Variants in NEK5 observed in about 807,000 individuals in gnomAD.
NEK5 encodes the protein NIMA related kinase 5.
A neutral mutation model predicts 109.2 loss-of-function variants in NEK5; 88 were observed. The observed-to-expected ratio is 0.81, with a 90% CI of 0.68 to 0.96. NEK5 has a LOEUF of 0.96. Ranked by LOEUF, NEK5 falls within the 40% of genes least tolerant of loss-of-function variation. NEK5 has a pLI of 0.00. For missense variants in NEK5, 834 were observed against 920.7 expected (o/e 0.91, Z 1.22); for synonymous variants, 283 against 299.9 (o/e 0.94, Z 0.58).
chr13:52,073,428 G>A (rs1371259344), intron 19 of NEK5, among the ~76,000 whole-genome samples: 2 of 151,212 alleles, frequency 1.3e-5, no homozygotes, highest in Admixed American at 1.3e-4. Flanking sequence ...TGATTCTCCT[G>A]CCTCAGCCTC....
chr13:52,047,677 C>A (rs954001326), intron 23 of NEK5, among the ~76,000 whole-genome samples: 6 of 151,638 alleles, frequency 4.0e-5, no homozygotes, highest in African/African-American at 1.5e-4. Context: ...CCCGTCTCTA[C>A]AAAAAACAAA....
At position 52,046,340 on chromosome 13, in the gene NEK5, G is replaced by A. The variant is rs182360500; in HGVS notation, c.2228+3764C>T. Among the ~76,000 whole-genome samples, 167 of 151,018 alleles carry A rather than the reference G, an allele frequency of 1.1e-3. 1 individual carries two copies. Among genetic ancestry groups the A allele is most frequent in the African/African-American group, 3.9e-3 (162 of 41,236 alleles). ...AAAAAAAAAAAAAATAGCTGGGCAT[G>A]GTGGTGCATGCCTATACTCCCAGCC... On this transcript the variant is annotated intron_variant, in intron 23 of 23. Coordinates refer to ENST00000684899, the MANE Select transcript of NEK5 (RefSeq NM_001365552.1).
At chr13:52,096,628 T>A (rs1955422997) in intron 12 of NEK5, among the ~76,000 whole-genome samples, 1 of 152,220 alleles carries the variant, frequency 6.6e-6, no homozygotes, top group Admixed American at 6.5e-5. Context: ...GTGGCCTGGC[T>A]GCTCTAGCAC....
Position 52,087,223 on chromosome 13 carries a change from T to C in NEK5, c.1392+115A>G, listed in dbSNP as rs41292802. ...TCTGTATCCCCTATAACACTCAGCA[T>C]GGTGTTGACATATTCAGGGGCACTG... On this transcript the variant is annotated intron_variant, in intron 15 of 23. Coordinates refer to ENST00000684899, the MANE Select transcript of NEK5 (RefSeq NM_001365552.1). 1.9e-3 allele frequency: 1,124 copies of C among 592,290 alleles called. 4 individuals are homozygous for C. Among genetic ancestry groups the C allele is most frequent in the Non-Finnish European group, 2.3e-3 (746 of 326,422 alleles). The allele number at this position is 592,290 out of a possible 1,614,324, so 36.7% of individuals were successfully genotyped here.
rs1189940959 is a variant in NEK5, at chr13:52,059,122, C to A, written c.2110+2697G>T. On this transcript the variant is annotated intron_variant, in intron 22 of 23. Transcript: ENST00000684899. ...AAATTTACAAGAAAAAAACAAACAA[C>A]CCCATCAAAAAGTGGGCAAAGGACA... 7.6e-4 allele frequency among the ~76,000 whole-genome samples: 72 copies of A among 95,132 alleles called. 2 individuals carry two copies. The highest frequency in any genetic ancestry group is 1.2e-3 in the Non-Finnish European group (58 of 46,984). 62.4% of individuals were successfully genotyped at this position (95,132 alleles called of 152,430 possible).
At chr13:52,105,474 C>T (rs1955634560) in intron 8 of NEK5, among the ~76,000 whole-genome samples, 1 of 152,000 alleles carries the variant, frequency 6.6e-6, no homozygotes, top group Non-Finnish European at 1.5e-5. Flanking sequence ...CCTTCTTGGC[C>T]TCCCAAAGTG....
chr13:52,057,283 A>G (rs1195175405), intron 22 of NEK5, among the ~76,000 whole-genome samples: 3 of 148,100 alleles, frequency 2.0e-5, no homozygotes, highest in Non-Finnish European at 4.5e-5. Flanking sequence ...CAATAACAGG[A>G]TCTGAAATTG....
At position 52,119,320 on chromosome 13, in the gene NEK5, T is replaced by A. The variant is rs1955923647; in HGVS notation, c.213A>T (p.Gln71His). 1 of 1,545,328 alleles carries A rather than the reference T, an allele frequency of 6.5e-7. No individual in the cohort carries two copies. The highest frequency in any genetic ancestry group is 1.4e-5 in the African/African-American group (1 of 73,368). Residue 71 changes from glutamine to histidine, a missense_variant and splice_region_variant, in exon 4 of 24, where the codon CAA becomes CAT. Physicochemically the swap from Gln to His is conservative, Grantham distance 24. Coordinates refer to ENST00000684899, the MANE Select transcript of NEK5 (RefSeq NM_001365552.1). ...TTAACGAATATTAGAAAATCAAACC[T>A]TGAAATGAATTGAAGAAGGCTACAA... ...PNIVAFFNSFQENGRLFIVME... is the reference protein window; with the variant it reads ...PNIVAFFNSFHENGRLFIVME...
At chr13:52,055,424 A>G (rs370840728) in intron 22 of NEK5, among the ~76,000 whole-genome samples, 2 of 152,118 alleles carry the variant, frequency 1.3e-5, no homozygotes, top group Non-Finnish European at 2.9e-5. Context: ...GCAGGCCAAC[A>G]TTCAGGTTCA....
chr13:52,055,630 G>GT lies in NEK5; in HGVS notation c.2111-5410_2111-5409insA, dbSNP rs559012922. On this transcript the variant is annotated intron_variant, in intron 22 of 23. Transcript: ENST00000684899. ...CAGAAACTCTACAAGCCAGAACAGAGGGGGGCCAATATTCAACATTCTTAA... is the reference window on the plus strand; with the variant it reads ...CAGAAACTCTACAAGCCAGAACAGAGTGGGGGCCAATATTCAACATTCTTAA... 2.8e-4 allele frequency among the ~76,000 whole-genome samples: 42 copies of GT among 152,064 alleles called. No homozygotes were observed. In the South Asian group the frequency reaches 4.2e-3, roughly 15 times the overall value.
chr13:52,122,915 G>A (rs1955998093), intron 3 of NEK5, among the ~76,000 whole-genome samples: 1 of 152,112 alleles, frequency 6.6e-6, no homozygotes, highest in Non-Finnish European at 1.5e-5. Flanking sequence ...TCCTCTAAAT[G>A]GTCTTATTTT....
At chr13:52,041,102 A>C (rs1263954224) in intron 23 of NEK5, among the ~76,000 whole-genome samples, 2 of 152,172 alleles carry the variant, frequency 1.3e-5, no homozygotes, top group East Asian at 3.8e-4. Flanking sequence ...AGCAATTTTA[A>C]ACCCTCCAAA....
At chr13:52,051,446 C>T (rs1954505523) in intron 22 of NEK5, among the ~76,000 whole-genome samples, 2 of 152,186 alleles carry the variant, frequency 1.3e-5, no homozygotes, top group South Asian at 4.1e-4. Context: ...TTAGGTTGGT[C>T]TGTTTTCCTA....
At chr13:52,062,339 T>C (rs1369648069) in intron 21 of NEK5, among the ~76,000 whole-genome samples, 4 of 152,262 alleles carry the variant, frequency 2.6e-5, no homozygotes, top group Middle Eastern at 3.4e-3. Context: ...ATCAAGAACA[T>C]AGGAAATAAG....
chr13:52,127,545 A>G, intron 2 of NEK5, 41 bp from the exon 3 acceptor site: 1 of 868,522 alleles, frequency 1.2e-6, no homozygotes, highest in Non-Finnish European at 1.9e-6. Flanking sequence ...CACGTCTCAT[A>G]AAGACTAACA....
At chr13:52,080,757 A>T (rs1262408845) in intron 17 of NEK5, among the ~76,000 whole-genome samples, 26 of 152,044 alleles carry the variant, frequency 1.7e-4, no homozygotes, top group African/African-American at 5.3e-4. Flanking sequence ...AACACTGCGG[A>T]AGGCCGCAGG....
intron 8 of NEK5, among the ~76,000 whole-genome samples, chr13:52,107,820 C>T (rs1955683701): frequency 6.6e-6 from 1 of 152,124 alleles, no homozygotes. Context: ...ACTCCCTAAA[C>T]CTCCATGATT....
Position 52,037,132 on chromosome 13 carries a change from GTTT to G in NEK5, c.2312_2314del (p.Lys771del). 1 of 985,200 alleles carries G rather than the reference GTTT, an allele frequency of 1.0e-6. No homozygotes were observed. The highest frequency in any genetic ancestry group is 1.2e-6 in the Non-Finnish European group (1 of 829,810). The allele number at this position is 985,200 out of a possible 1,614,324, so 61.0% of individuals were successfully genotyped here. A position where few individuals can be genotyped will look rare whatever the true frequency, so the allele number is the denominator to read the frequency against. ...CTTAGAGGTACTGGAGGCCTCTTCT[GTTT>G]TTTCTTCCCCTTTGAAAGTAGCGAG... On this transcript the variant is annotated inframe_deletion, in exon 24 of 24. Coordinates refer to ENST00000684899, the MANE Select transcript of NEK5 (RefSeq NM_001365552.1).
chr13:52,100,364 C>A (rs1263277376), intron 11 of NEK5, among the ~76,000 whole-genome samples: 1 of 152,082 alleles, frequency 6.6e-6, no homozygotes. Flanking sequence ...CGAGTTCATG[C>A]GATTCTTGTG....
Sources: gnomAD v4.1 joint callset for allele counts (sites outside exome capture counted in the v4.1 genomes callset) on GRCh38, gnomAD v4.1.1 for gene constraint, MANE v1.5 for transcripts, NCBI Gene and HGNC (gene_info 2026-07-23, HGNC 2026-07-21) for gene names.